The following VPS13D variants were observed in gnomAD, a reference collection of about 807,000 sequenced individuals.
VPS13D encodes intermembrane lipid transfer protein VPS13D.
VPS13D carries 187 observed loss-of-function variants against 461.9 expected under a neutral mutation model. That is an observed-to-expected ratio of 0.40 (90% CI 0.36 to 0.46). VPS13D has a LOEUF of 0.46. VPS13D is among the 20% of genes least tolerant of loss of function. The pLI, the probability that VPS13D is intolerant of heterozygous loss-of-function variation, is 0.60. For missense variants in VPS13D, 4,711 were observed against 5,364.9 expected (o/e 0.88, Z 3.81); for synonymous variants, 1,951 against 1,986.3 (o/e 0.98, Z 0.47).
At chr1:12,382,193 C>T (rs1644292087) in intron 57 of VPS13D, among the ~76,000 whole-genome samples, 2 of 151,970 alleles carry the variant, frequency 1.3e-5, no homozygotes, top group South Asian at 4.2e-4. Flanking sequence ...CCTCCGCCTC[C>T]CGGGCTCAAG....
At chr1:12,332,401 A>G (rs929771797) in intron 37 of VPS13D, among the ~76,000 whole-genome samples, 1 of 152,226 alleles carries the variant, frequency 6.6e-6, no homozygotes, top group Non-Finnish European at 1.5e-5. Flanking sequence ...ACCTGCGTCA[A>G]TGTGATGTAG....
At chr1:12,376,710 C>T (rs934291762) in intron 55 of VPS13D, among the ~76,000 whole-genome samples, 12 of 152,116 alleles carry the variant, frequency 7.9e-5, no homozygotes, top group Admixed American at 2.6e-4. Context: ...GCTATCTGTC[C>T]GGCCAGGGGT....
At chr1:12,412,823 T>A (rs1202402850) in intron 63 of VPS13D, among the ~76,000 whole-genome samples, 1 of 152,176 alleles carries the variant, frequency 6.6e-6, no homozygotes, top group Non-Finnish European at 1.5e-5. Context: ...ATTAAGACTG[T>A]CTGATCATTA....
At chr1:12,274,959 C>T (rs913752618) in intron 18 of VPS13D, among the ~76,000 whole-genome samples, 3 of 151,316 alleles carry the variant, frequency 2.0e-5, no homozygotes, top group South Asian at 4.2e-4. Flanking sequence ...TGGCTCACGC[C>T]TGTAATCCCA....
At chr1:12,347,834 G>A (rs758168130) in intron 44 of VPS13D, among the ~76,000 whole-genome samples, 4 of 152,132 alleles carry the variant, frequency 2.6e-5, no homozygotes, top group Admixed American at 6.5e-5. Context: ...TACCTAACAT[G>A]GGATTTTTCT....
intron 8 of VPS13D, among the ~76,000 whole-genome samples, 197 bp from the exon 9 acceptor site, chr1:12,256,790 T>TA (rs1640937955): frequency 6.6e-6 from 1 of 151,628 alleles, no homozygotes; most frequent in African/African-American, 2.4e-5. Context: ...ATACAAGAGA[T>TA]ACGGCAATGT....
At chr1:12,416,589 C>T in intron 64 of VPS13D, 71 bp from the exon 65 acceptor site, 3 of 1,496,418 alleles carry the variant, frequency 2.0e-6, no homozygotes, top group Non-Finnish European at 1.8e-6. Flanking sequence ...AAGCTCTTCG[C>T]TTGGGACACT....
At chr1:12,449,323 C>T (rs770290266) in intron 65 of VPS13D, among the ~76,000 whole-genome samples, 27 of 152,056 alleles carry the variant, frequency 1.8e-4, no homozygotes, top group Non-Finnish European at 3.1e-4. Flanking sequence ...CAAAAGCACT[C>T]CTCTTCTAGT....
chr1:12,461,522 A>T (rs1344746067), intron 67 of VPS13D, among the ~76,000 whole-genome samples: 1 of 152,188 alleles, frequency 6.6e-6, no homozygotes, highest in Non-Finnish European at 1.5e-5. Flanking sequence ...AACTAAAACA[A>T]TCCTTGAGTA....
chr1:12,416,893 C>T, intron 65 of VPS13D, 66 bp downstream of exon 65: 2 of 1,456,286 alleles, frequency 1.4e-6, no homozygotes, highest in Non-Finnish European at 1.8e-6. Flanking sequence ...ACTACAATTT[C>T]TTTTATAGTT....
chr1:12,304,516 C>T lies in VPS13D; in HGVS notation c.6227C>T (p.Pro2076Leu). The T allele has an allele frequency of 1.2e-6, 2 of 1,613,530 alleles. No individual in the cohort carries two copies. The highest frequency in any genetic ancestry group is 1.7e-6 in the Non-Finnish European group (2 of 1,179,732). The change falls in exon 26 of 70, where the codon CCT (proline) becomes CTT (leucine). Residue 2076 changes from proline (P) to leucine (L), a missense_variant. Around this residue, in one of 3 missense-constraint regions of VPS13D, gnomAD observed 4,411 missense variants for 4,937.8 expected, o/e 0.89. Coordinates refer to ENST00000620676, the MANE Select transcript of VPS13D (RefSeq NM_015378.4). ...TFSLQDKESVPSASPTGIPKH... is the reference protein window; with the variant it reads ...TFSLQDKESVLSASPTGIPKH... ...TTTGTTCCTTCCCAGGAATCTGTGC[C>T]TTCAGCTTCCCCAACGGGTATTCCC...
In VPS13D at chr1:12,353,996, G is replaced by A; in HGVS notation, c.9454G>A (p.Glu3152Lys). The change falls in exon 47 of 70, where the codon GAG (glutamate) becomes AAG (lysine). Residue 3152 changes from glutamate to lysine, a missense_variant. This residue lies in a region of VPS13D where 4,411 missense variants were observed against 4,937.8 expected (regional missense o/e 0.89). Transcript: ENST00000620676. ...TAGGTTTTGTGTGGCTATAAAGAAA[G>A]AGAATTATCCAGATTATATGCCCTC... ...FFRFCVAIKK[E>K]NYPDYMPSNI... The A allele has an allele frequency of 6.2e-7, 1 of 1,613,972 alleles. No homozygotes were observed.
At chr1:12,359,946 C>T (rs908889174) in intron 50 of VPS13D, among the ~76,000 whole-genome samples, 2 of 152,180 alleles carry the variant, frequency 1.3e-5, no homozygotes, top group East Asian at 3.9e-4. Context: ...TTTTGCAAAG[C>T]AAGCTACCAC....
chr1:12,492,886 A>G (rs963734429), intron 67 of VPS13D, among the ~76,000 whole-genome samples: 3 of 152,202 alleles, frequency 2.0e-5, no homozygotes, highest in Admixed American at 2.0e-4. Context: ...AAAGCCCAAA[A>G]CTAAACCCAA....
Position 12,276,456 on chromosome 1 carries a change from G to C in VPS13D, c.2868G>C (p.Leu956=). 6.2e-7 allele frequency: 1 copy of C among 1,614,172 alleles called. No homozygotes were observed. The highest frequency in any genetic ancestry group is 8.5e-7 in the Non-Finnish European group (1 of 1,180,040). Reference sequence around the variant, plus strand: ...TTCTGGTGGAGTCGCAGCTCCTCCTGGCGGAATTTAAAGTGAACTGTATGC... The same window carrying C: ...TTCTGGTGGAGTCGCAGCTCCTCCTCGCGGAATTTAAAGTGAACTGTATGC... The part of the protein sequence containing the change: ...REVLVESQLL[L]AEFKVNCMQL... Residue 956 remains leucine (L), a synonymous_variant, in exon 19 of 70, where the codon CTG becomes CTC. Coordinates refer to ENST00000620676, the MANE Select transcript of VPS13D (RefSeq NM_015378.4). The surrounding 1 kb of genome is among the most constrained non-coding windows in gnomAD (Gnocchi z 4.5).
At chr1:12,321,729 G>C in intron 32 of VPS13D, 80 bp from the exon 33 acceptor site, 1 of 1,462,384 alleles carries the variant, frequency 6.8e-7, no homozygotes, top group Non-Finnish European at 9.2e-7. Context: ...GACTGCTTCT[G>C]AGATAGCCTC....
chr1:12,472,554 T>G (rs1645577637), intron 67 of VPS13D, among the ~76,000 whole-genome samples: 1 of 152,222 alleles, frequency 6.6e-6, no homozygotes, highest in African/African-American at 2.4e-5. Flanking sequence ...CCTCAAGGCT[T>G]ACATTTCAGC....
rs1315111836 is a variant in VPS13D, at chr1:12,276,833, T to G, written c.3245T>G (p.Leu1082Trp). 2 of 1,614,162 alleles carry G rather than the reference T, an allele frequency of 1.2e-6. No individual in the cohort carries two copies. The highest frequency in any genetic ancestry group is 3.3e-5 in the Admixed American group (2 of 60,018). ...AAAGAGCAAGAGTCCCTTATTAAGTTGGAATATCAGTTTGTGAGTTCAGAG... is the reference window on the plus strand; with the variant it reads ...AAAGAGCAAGAGTCCCTTATTAAGTGGGAATATCAGTTTGTGAGTTCAGAG... ...LTKEQESLIK[L>W]EYQFVSSECP... Residue 1082 changes from leucine to tryptophan, a missense_variant, in exon 19 of 70, where the codon TTG (leucine) becomes TGG (tryptophan). Physicochemically the swap from Leu to Trp is moderately conservative, Grantham distance 61. Coordinates refer to ENST00000620676, the MANE Select transcript of VPS13D (RefSeq NM_015378.4). The surrounding 1 kb of genome is among the most constrained non-coding windows in gnomAD (Gnocchi z 4.5).
intron 67 of VPS13D, among the ~76,000 whole-genome samples, chr1:12,474,879 A>G (rs1453982880): frequency 6.6e-6 from 1 of 152,208 alleles, no homozygotes; most frequent in Non-Finnish European, 1.5e-5. Flanking sequence ...TTCTTAGAAC[A>G]TATGATAAGT....
Sources: gnomAD v4.1 joint callset for allele counts (sites outside exome capture counted in the v4.1 genomes callset) on GRCh38, gnomAD v4.1.1 for gene constraint, gnomAD v4.1.1 regional missense constraint, Gnocchi (gnomAD v3.1) non-coding constraint, MANE v1.5 for transcripts, NCBI Gene and HGNC (gene_info 2026-07-23, HGNC 2026-07-21) for gene names.